The following NHSL3 variants were observed in gnomAD, a reference collection of about 807,000 sequenced individuals.
NHSL3 encodes NHS like 3, also known as NHS-like protein 3.
chr1:32,764,997 GAGA>G, the NHSL3 span, among the ~76,000 whole-genome samples: 1 of 152,234 alleles, frequency 6.6e-6, no homozygotes, highest in African/African-American at 2.4e-5. Flanking sequence ...CAGGCTAGGG[GAGA>G]AGGAGGTCTG....
At chr1:32,745,435 G>A in the NHSL3 span, among the ~76,000 whole-genome samples, 1 of 151,750 alleles carries the variant, frequency 6.6e-6, no homozygotes, top group Non-Finnish European at 1.5e-5. Flanking sequence ...GCGCGTGCCT[G>A]TAATCCCAGC....
the NHSL3 span, among the ~76,000 whole-genome samples, chr1:32,746,248 C>A: frequency 3.9e-4 from 35 of 89,062 alleles, no homozygotes; most frequent in African/African-American, 8.2e-4. Flanking sequence ...AAAAAAAAAA[C>A]AAAAAAGAAC....
chr1:32,757,088 CT>C, the NHSL3 span, among the ~76,000 whole-genome samples: 1 of 152,216 alleles, frequency 6.6e-6, no homozygotes, highest in African/African-American at 2.4e-5. Context: ...TTTACTTGTG[CT>C]GAGGATCCTA....
chr1:32,750,224 A>G, the NHSL3 span, among the ~76,000 whole-genome samples: 1 of 151,888 alleles, frequency 6.6e-6, no homozygotes, highest in African/African-American at 2.4e-5. Flanking sequence ...CGCCTCCCCC[A>G]TCGTTAGTTA....
chr1:32,752,016 C>T, the NHSL3 span, among the ~76,000 whole-genome samples: 25 of 152,302 alleles, frequency 1.6e-4, no homozygotes, highest in Admixed American at 1.6e-3. Flanking sequence ...CCCATACTAA[C>T]TGTTCTTTTT....
chr1:32,765,512 C>G, the NHSL3 span: 776 of 836,798 alleles, frequency 9.3e-4, no homozygotes, highest in Non-Finnish European at 1.2e-3. Context: ...CACCCACGGA[C>G]TCCTGGCCTC....
chr1:32,756,351 G>C, the NHSL3 span, among the ~76,000 whole-genome samples: 3 of 151,756 alleles, frequency 2.0e-5, no homozygotes, highest in Admixed American at 2.0e-4. Context: ...GTGAGTAAAG[G>C]CATGGAGTTG....
chr1:32,767,782 A>C, the NHSL3 span: 4 of 1,603,922 alleles, frequency 2.5e-6, no homozygotes, highest in Middle Eastern at 1.7e-4. Context: ...CCTCCCTCCT[A>C]CTAGGCTCTG....
At chr1:32,768,509 C>T in the NHSL3 span, 95,262 of 865,316 alleles carry the variant, frequency 0.11, 5,679 homozygotes, top group South Asian at 0.14. Context: ...GCAGGATAAT[C>T]GCTTGAACTT....
the NHSL3 span, among the ~76,000 whole-genome samples, chr1:32,748,003 G>T: frequency 1.3e-5 from 2 of 152,292 alleles, no homozygotes; most frequent in East Asian, 1.9e-4. Context: ...CAGGCTACTC[G>T]GGAGGCTGAG....
At chr1:32,772,077 T>G in the NHSL3 span, 1 of 1,612,820 alleles carries the variant, frequency 6.2e-7, no homozygotes, top group Non-Finnish European at 8.5e-7. Context: ...CCCAGTCCCC[T>G]GCCTCAACGG....
At chr1:32,771,626 C>G in the NHSL3 span, 1 of 1,613,072 alleles carries the variant, frequency 6.2e-7, no homozygotes, top group Non-Finnish European at 8.5e-7. Context: ...AGCTCCCCGG[C>G]TGCTTCGTCC....
chr1:32,769,903 C>T, the NHSL3 span: 1 of 1,608,686 alleles, frequency 6.2e-7, no homozygotes. Flanking sequence ...GCGTGAGGCA[C>T]CAGGCACGCC....
At chr1:32,742,874 T>C in the NHSL3 span, among the ~76,000 whole-genome samples, 3 of 152,200 alleles carry the variant, frequency 2.0e-5, no homozygotes, top group Non-Finnish European at 4.4e-5. Flanking sequence ...GGAAGTGTGC[T>C]TACAGATGGG....
the NHSL3 span, chr1:32,770,721 G>A: frequency 1.3e-5 from 20 of 1,550,348 alleles, no homozygotes; most frequent in East Asian, 1.4e-4. The surrounding 1 kb of genome is among the most constrained non-coding windows in gnomAD (Gnocchi z 8.3). Flanking sequence ...GCTTAGCAGT[G>A]CCTGATGGGC....
the NHSL3 span, chr1:32,767,700 G>A: frequency 8.5e-7 from 1 of 1,181,652 alleles, no homozygotes; most frequent in African/African-American, 1.5e-5. Flanking sequence ...GCAGTCTGGG[G>A]ACCATGACTG....
the NHSL3 span, among the ~76,000 whole-genome samples, chr1:32,763,353 C>T: frequency 3.3e-5 from 5 of 152,110 alleles, no homozygotes; most frequent in Admixed American, 1.3e-4. Context: ...CCTGACCTGT[C>T]GCCTGCTCTC....
chr1:32,769,663 T>TGGCC, the NHSL3 span: 1 of 1,606,318 alleles, frequency 6.2e-7, no homozygotes, highest in Non-Finnish European at 8.5e-7. Flanking sequence ...CTCCCACGAC[T>TGGCC]GGCCCCCAGG....
chr1:32,769,616 C>A, the NHSL3 span: 2 of 1,307,114 alleles, frequency 1.5e-6, no homozygotes, highest in Non-Finnish European at 2.2e-6. Context: ...TAGTGCCCTG[C>A]AGAATGTGCC....
Sources: allele counts gnomAD v4.1 joint callset (sites outside exome capture counted in the v4.1 genomes callset), GRCh38; gene constraint gnomAD v4.1.1; non-coding constraint Gnocchi (gnomAD v3.1); transcripts MANE v1.5; gene names NCBI Gene and HGNC (gene_info 2026-07-23, HGNC 2026-07-21).